PCDHGA1: variants seen among roughly 807,000 people sequenced by gnomAD.
PCDHGA1 encodes protocadherin gamma-A1.
A neutral mutation model predicts 58.0 loss-of-function variants in PCDHGA1; 32 were observed. The observed-to-expected ratio is 0.55, with a 90% CI of 0.42 to 0.74. The LOEUF (loss-of-function observed/expected upper bound fraction) is 0.74. PCDHGA1 is among the 30% of genes least tolerant of loss of function. The pLI, the probability that PCDHGA1 is intolerant of heterozygous loss-of-function variation, is 0.00. For synonymous variants in PCDHGA1, 498 were observed against 501.1 expected, an observed-to-expected ratio of 0.99 and a Z score of 0.08; for missense variants, 1,205 against 1,182.3, an observed-to-expected ratio of 1.02 and a Z score of -0.28.
chr5:141,415,368 T>C (rs762653261), intron 1 of PCDHGA1: 1 of 1,614,244 alleles, frequency 6.2e-7, no homozygotes, highest in Non-Finnish European at 8.5e-7. Context: ...TGCTGCAGGC[T>C]TCAGGAGGCG....
intron 1 of PCDHGA1, among the ~76,000 whole-genome samples, chr5:141,454,649 G>A (rs1202153817): frequency 6.6e-6 from 1 of 151,800 alleles, no homozygotes; most frequent in Non-Finnish European, 1.5e-5. Context: ...CAGGTGATCT[G>A]CCCACCTCGG....
At chr5:141,441,820 G>A in intron 1 of PCDHGA1, 1 of 359,390 alleles carries the variant, frequency 2.8e-6, no homozygotes, top group Non-Finnish European at 5.5e-6. Flanking sequence ...CCCAGCTCTG[G>A]AGCGCAATGG....
In PCDHGA1 at chr5:141,432,129, A is replaced by T. The variant is rs758099753; in HGVS notation, c.2422-62678A>T. The T allele has an allele frequency of 6.2e-6, 10 of 1,614,054 alleles. No individual in the cohort carries two copies. In the South Asian group the frequency reaches 8.8e-5, roughly 14 times the overall value. On this transcript the variant is annotated intron_variant, in intron 1 of 3. Transcript: ENST00000517417. This position sits in a 1 kb window ranked among gnomAD's most constrained non-coding sequence, Gnocchi z 6.0. ...CCGCCGGTCTTCCCTCAGGCCTCCTATTCCGCTTATATCCCAGAGAACAAT... is the reference window on the plus strand; with the variant it reads ...CCGCCGGTCTTCCCTCAGGCCTCCTTTTCCGCTTATATCCCAGAGAACAAT...
chr5:141,377,812 C>T (rs535022477), intron 1 of PCDHGA1: 1 of 152,244 alleles, frequency 6.6e-6, no homozygotes, highest in Admixed American at 6.5e-5. Flanking sequence ...CTGTTATTTA[C>T]TTGGGCCAGT....
intron 1 of PCDHGA1, chr5:141,417,903 A>G (rs2096184376): frequency 1.3e-6 from 2 of 1,590,930 alleles, no homozygotes; most frequent in Non-Finnish European, 8.6e-7. Flanking sequence ...GGCCCGCGGC[A>G]GGTACTATTT....
At chr5:141,475,329 A>G (rs1229101617) in intron 1 of PCDHGA1, among the ~76,000 whole-genome samples, 1 of 152,266 alleles carries the variant, frequency 6.6e-6, no homozygotes, top group Non-Finnish European at 1.5e-5. Context: ...AATGAGAGCT[A>G]ACAATGACAT....
intron 1 of PCDHGA1, chr5:141,350,893 C>T: frequency 6.2e-7 from 1 of 1,614,042 alleles, no homozygotes; most frequent in Non-Finnish European, 8.5e-7. Flanking sequence ...TCCTGACTGC[C>T]ATGGATGGCG....
chr5:141,419,773 C>CAG, intron 1 of PCDHGA1: 1 of 1,614,034 alleles, frequency 6.2e-7, no homozygotes, highest in Non-Finnish European at 8.5e-7. Flanking sequence ...AGGACTCGGT[C>CAG]CGCCAGCGCC....
chr5:141,363,884 G>A (rs1235623688), intron 1 of PCDHGA1, among the ~76,000 whole-genome samples: 1 of 152,096 alleles, frequency 6.6e-6, no homozygotes, highest in Admixed American at 6.5e-5. Flanking sequence ...AAGGACATAG[G>A]CTCCCCCGAT....
intron 1 of PCDHGA1, among the ~76,000 whole-genome samples, chr5:141,466,614 G>A (rs75804312): frequency 1.4e-3 from 218 of 152,142 alleles, no homozygotes; most frequent in Middle Eastern, 6.8e-3. Context: ...GTAAACTGCC[G>A]TTTTCTTTGG....
intron 1 of PCDHGA1, chr5:141,424,133 T>C: frequency 2.2e-6 from 1 of 450,350 alleles, no homozygotes; most frequent in South Asian, 9.6e-5. Flanking sequence ...GTTGATTTAA[T>C]AGCATGCTCC....
chr5:141,350,365 T>C, intron 1 of PCDHGA1: 1 of 1,579,298 alleles, frequency 6.3e-7, no homozygotes, highest in Non-Finnish European at 8.6e-7. Context: ...GATACACGAT[T>C]CCAGAGGAGC....
chr5:141,355,394 G>A (rs1759832826), intron 1 of PCDHGA1: 1 of 1,614,058 alleles, frequency 6.2e-7, no homozygotes, highest in Non-Finnish European at 8.5e-7. Context: ...CGCGGAGTCC[G>A]CATCGTCTCC....
chr5:141,426,960 A>G, intron 1 of PCDHGA1: 1 of 456,776 alleles, frequency 2.2e-6, no homozygotes, highest in South Asian at 1.5e-5. Context: ...CACTGCTGCA[A>G]TTCAAATTGA....
intron 1 of PCDHGA1, chr5:141,424,567 A>T (rs1034112526): frequency 3.3e-5 from 5 of 152,176 alleles, no homozygotes; most frequent in African/African-American, 7.2e-5. Flanking sequence ...CTTCTCAAAA[A>T]CCTATTTTCA....
intron 1 of PCDHGA1, chr5:141,397,952 C>A: frequency 1.0e-6 from 1 of 959,530 alleles, no homozygotes; most frequent in Non-Finnish European, 1.5e-6. Context: ...CCAGGGCAGC[C>A]CCAGCTCAGA....
Position 141,431,585 on chromosome 5 carries a change from G to A in PCDHGA1, c.2422-63222G>A. 6.2e-7 allele frequency: 1 copy of A among 1,614,204 alleles called. No individual in the cohort carries two copies. The highest frequency in any genetic ancestry group is 1.6e-4 in the Middle Eastern group (1 of 6,062). On this transcript the variant is annotated intron_variant, in intron 1 of 3. Transcript: ENST00000517417. This position sits in a 1 kb window ranked among gnomAD's most constrained non-coding sequence, Gnocchi z 4.8. ...CGACCCTGACGAAGGAGTCAATGCG[G>A]AAGTGAGGTATTCCTTCCGGTATGT...
intron 1 of PCDHGA1, chr5:141,423,620 C>G: frequency 6.2e-7 from 1 of 1,608,268 alleles, no homozygotes; most frequent in Non-Finnish European, 8.5e-7. Flanking sequence ...GCTGAAGACT[C>G]AGCTATCATT....
At position 141,490,807 on chromosome 5, in the gene PCDHGA1, G is replaced by T. The variant is rs1315856354; in HGVS notation, c.2422-4000G>T. Reference sequence around the variant, plus strand: ...ACGGATCTTTGCCCAGCGTACCTTTGACTATGAATTGCTGCAGATGCTGCA... The same window carrying T: ...ACGGATCTTTGCCCAGCGTACCTTTTACTATGAATTGCTGCAGATGCTGCA... On this transcript the variant is annotated intron_variant, in intron 1 of 3. Transcript: ENST00000517417. This position sits in a 1 kb window ranked among gnomAD's most constrained non-coding sequence, Gnocchi z 5.4. 6.2e-7 allele frequency: 1 copy of T among 1,613,924 alleles called. No individual in the cohort carries two copies. The highest frequency in any genetic ancestry group is 8.5e-7 in the Non-Finnish European group (1 of 1,179,870).
Sources: gnomAD v4.1 joint callset for allele counts (sites outside exome capture counted in the v4.1 genomes callset) on GRCh38, gnomAD v4.1.1 for gene constraint, Gnocchi (gnomAD v3.1) non-coding constraint, MANE v1.5 for transcripts, NCBI Gene and HGNC (gene_info 2026-07-23, HGNC 2026-07-21) for gene names.